PPP1R13B: variants seen among roughly 807,000 people sequenced by gnomAD.
PPP1R13B encodes apoptosis-stimulating of p53 protein 1.
In PPP1R13B, 44 loss-of-function variants were observed where a neutral mutation model predicts 119.8. That is an observed-to-expected ratio of 0.37 (90% confidence interval 0.29 to 0.47). The LOEUF (loss-of-function observed/expected upper bound fraction) is 0.47, where lower values mean the gene tolerates loss of function less well. Ranked by LOEUF, PPP1R13B falls within the 20% of genes least tolerant of loss-of-function variation. The pLI is 0.99. For missense variants in PPP1R13B, 1,227 were observed against 1,413.5 expected, an observed-to-expected ratio of 0.87 and a Z score of 2.12; for synonymous variants, 542 against 561.5, an observed-to-expected ratio of 0.97 and a Z score of 0.49.
intron 2 of PPP1R13B, among the ~76,000 whole-genome samples, chr14:103,793,812 A>G (rs1013002915): frequency 6.6e-6 from 1 of 152,220 alleles, no homozygotes; most frequent in African/African-American, 2.4e-5. Flanking sequence ...CAGAGTAGCT[A>G]ATGACCTGGC....
In PPP1R13B at chr14:103,737,678, G is replaced by A. The variant is rs144651093; in HGVS notation, c.3031+16C>T. 7.2e-5 allele frequency: 116 copies of A among 1,612,528 alleles called. No homozygotes were observed. The East Asian group carries it at 2.2e-3, about 31-fold the overall frequency. ...AGCAGACAGCACCACTGTGGCCCCA[G>A]GCCTCCCCTGCGTACCATATAGAAA... On this transcript the variant is annotated intron_variant, in intron 15 of 16. Coordinates refer to ENST00000202556, the MANE Select transcript of PPP1R13B (RefSeq NM_015316.3).
chr14:103,751,885 G>A (rs962754960), intron 7 of PPP1R13B, among the ~76,000 whole-genome samples: 4 of 152,148 alleles, frequency 2.6e-5, no homozygotes, highest in African/African-American at 9.7e-5. Context: ...TTTAACAATA[G>A]GCACCTAGCT....
Position 103,827,432 on chromosome 14 carries a change from T to C in PPP1R13B, c.9+19867A>G, listed in dbSNP as rs138026646. Among the ~76,000 whole-genome samples, 298 of 152,186 alleles carry C rather than the reference T, an allele frequency of 2.0e-3. 2 individuals are homozygous for C. The highest frequency in any genetic ancestry group is 3.1e-3 in the Non-Finnish European group (213 of 68,002). On this transcript the variant is annotated intron_variant, in intron 1 of 16. Coordinates refer to ENST00000202556, the MANE Select transcript of PPP1R13B (RefSeq NM_015316.3). ...ATGTGTAGTACAGCCTCCAAAAACA[T>C]TGAGAAACCCATTTCTTATCTCATG...
chr14:103,746,864 G>A, intron 8 of PPP1R13B: 1 of 200,278 alleles, frequency 5.0e-6, no homozygotes, highest in African/African-American at 2.3e-5. Flanking sequence ...TTCCTCCCTT[G>A]AGTGGGCACA....
chr14:103,810,294 T>C (rs947705206), intron 1 of PPP1R13B, among the ~76,000 whole-genome samples: 1 of 151,942 alleles, frequency 6.6e-6, no homozygotes, highest in African/African-American at 2.4e-5. Flanking sequence ...TGGTGGCACA[T>C]GCCTATAATC....
intron 1 of PPP1R13B, among the ~76,000 whole-genome samples, chr14:103,809,286 A>G (rs1055922150): frequency 5.9e-5 from 9 of 152,180 alleles, no homozygotes; most frequent in African/African-American, 1.7e-4. Context: ...CACATTTTAA[A>G]TTACATTATA....
intron 1 of PPP1R13B, among the ~76,000 whole-genome samples, chr14:103,813,175 A>C (rs541010883): frequency 1.3e-5 from 2 of 152,208 alleles, no homozygotes; most frequent in Non-Finnish European, 2.9e-5. Context: ...AGATGAATGG[A>C]TAAACAAACT....
At chr14:103,737,327 G>T in intron 15 of PPP1R13B, 1 of 180,326 alleles carries the variant, frequency 5.5e-6, no homozygotes, top group Non-Finnish European at 1.2e-5. Context: ...ACTTTAGGAG[G>T]CTGAAAGTGG....
chr14:103,789,289 G>A, intron 2 of PPP1R13B, among the ~76,000 whole-genome samples: 1 of 152,088 alleles, frequency 6.6e-6, no homozygotes, highest in African/African-American at 2.4e-5. Flanking sequence ...CATGATCTCG[G>A]CTCACTGCAA....
At chr14:103,766,847 C>T (rs1163561407) in intron 4 of PPP1R13B, among the ~76,000 whole-genome samples, 4 of 152,036 alleles carry the variant, frequency 2.6e-5, no homozygotes, top group Non-Finnish European at 4.4e-5. Flanking sequence ...CCTCATGATC[C>T]GCCAGATCAA....
intron 7 of PPP1R13B, 113 bp from the exon 8 acceptor site, chr14:103,750,047 T>C: frequency 1.9e-6 from 2 of 1,073,476 alleles, no homozygotes; most frequent in Non-Finnish European, 2.7e-6. Context: ...TATATTTACA[T>C]GCATGCACTG....
chr14:103,838,553 G>A (rs2086830208), intron 1 of PPP1R13B, among the ~76,000 whole-genome samples: 1 of 152,118 alleles, frequency 6.6e-6, no homozygotes, highest in Admixed American at 6.6e-5. Flanking sequence ...GAAAACCAAT[G>A]AACTGTACAC....
chr14:103,831,884 C>T lies in PPP1R13B; in HGVS notation c.9+15415G>A, dbSNP rs537873250. On this transcript the variant is annotated intron_variant, in intron 1 of 16. Coordinates refer to ENST00000202556, the MANE Select transcript of PPP1R13B (RefSeq NM_015316.3). ...CTGGGAGGCGGAGGTTGCAGTGAGC[C>T]GAGACCATGCCACTGTACTCCAGCC... is the stretch of plus-strand genomic sequence containing the variant. 3.2e-4 allele frequency among the ~76,000 whole-genome samples: 49 copies of T among 151,866 alleles called. 1 individual carries two copies. In the South Asian group the frequency reaches 9.8e-3, roughly 30 times the overall value.
At chr14:103,771,156 G>A (rs140278154) in intron 4 of PPP1R13B, among the ~76,000 whole-genome samples, 2 of 152,148 alleles carry the variant, frequency 1.3e-5, no homozygotes, top group African/African-American at 4.8e-5. Context: ...GTAACCACTA[G>A]ACAGCTCTCA....
chr14:103,785,323 A>C (rs1209040699), intron 2 of PPP1R13B, among the ~76,000 whole-genome samples: 3 of 152,088 alleles, frequency 2.0e-5, no homozygotes, highest in African/African-American at 7.2e-5. Flanking sequence ...GGTTCAAGAG[A>C]TGCTCCTGCC....
intron 2 of PPP1R13B, among the ~76,000 whole-genome samples, chr14:103,796,466 G>A (rs2085759846): frequency 6.6e-6 from 1 of 152,154 alleles, no homozygotes; most frequent in Non-Finnish European, 1.5e-5. Context: ...CAAGCAGACA[G>A]TATCAAGTGT....
chr14:103,789,246 TCTCA>T lies in PPP1R13B; in HGVS notation c.158-4336_158-4333del, dbSNP rs1197931350. Reference sequence around the variant, plus strand: ...AATTTTTTTTTTGGGGGGGATGGAGTCTCACTCTGTCGCCCAGGCTGGAGTGCAC... The same window carrying T: ...AATTTTTTTTTTGGGGGGGATGGAGTCTCTGTCGCCCAGGCTGGAGTGCAC... On this transcript the variant is annotated intron_variant, in intron 2 of 16. Coordinates refer to ENST00000202556, the MANE Select transcript of PPP1R13B (RefSeq NM_015316.3). 2.0e-5 allele frequency among the ~76,000 whole-genome samples: 3 copies of T among 151,934 alleles called. No individual in the cohort carries two copies. In the East Asian group the frequency reaches 5.8e-4, roughly 29 times the overall value.
At chr14:103,824,246 G>T (rs992813230) in intron 1 of PPP1R13B, among the ~76,000 whole-genome samples, 1 of 149,842 alleles carries the variant, frequency 6.7e-6, no homozygotes, top group East Asian at 2.0e-4. Context: ...GGATTTCACC[G>T]TGTTAGCCAG....
intron 1 of PPP1R13B, among the ~76,000 whole-genome samples, chr14:103,827,492 A>G (rs1023611799): frequency 2.0e-5 from 3 of 151,954 alleles, no homozygotes; most frequent in Non-Finnish European, 4.4e-5. Context: ...AATTCCTAGC[A>G]CCAGACTTCT....
Sources: allele counts gnomAD v4.1 joint callset (sites outside exome capture counted in the v4.1 genomes callset), GRCh38; gene constraint gnomAD v4.1.1; transcripts MANE v1.5; gene names NCBI Gene and HGNC (gene_info 2026-07-23, HGNC 2026-07-21).